The following HSPG2 variants were observed in gnomAD, a reference collection of about 807,000 sequenced individuals.
HSPG2 encodes the protein basement membrane-specific heparan sulfate proteoglycan core protein.
A neutral mutation model predicts 526.6 loss-of-function variants in HSPG2; 278 were observed. That is an observed-to-expected ratio of 0.53 (90% CI 0.48 to 0.58). HSPG2 has a LOEUF of 0.58. Ranked by LOEUF, HSPG2 falls within the 20% of genes least tolerant of loss-of-function variation. The pLI is 0.00. For synonymous variants in HSPG2, 2,465 were observed against 2,555.4 expected (o/e 0.96, Z 1.07); for missense variants, 5,354 against 6,099.5 (o/e 0.88, Z 4.07).
chr1:21,846,675 T>C (rs150263853), intron 62 of HSPG2, 76 bp from the exon 63 acceptor site: 11 of 1,533,916 alleles, frequency 7.2e-6, no homozygotes, highest in East Asian at 6.8e-5. Flanking sequence ...CCCTCTGCCA[T>C]AGAAAATCTC....
Position 21,872,395 on chromosome 1 carries a change from AG to A in HSPG2, c.4030-19del. 6.5e-7 allele frequency: 1 copy of A among 1,549,140 alleles called. No homozygotes were observed. Among genetic ancestry groups the A allele is most frequent in the Non-Finnish European group, 8.7e-7 (1 of 1,144,806 alleles). ...GTGGAGATCTGGCAGGGGAAAAAGG[AG>A]GGGGCGTCAGCCTGAGCACCGGGGT... On this transcript the variant is annotated intron_variant, in intron 32 of 96. Transcript: ENST00000374695. This position sits in a 1 kb window ranked among gnomAD's most constrained non-coding sequence, Gnocchi z 5.5.
intron 1 of HSPG2, among the ~76,000 whole-genome samples, chr1:21,927,338 G>T (rs1291715676): frequency 6.6e-6 from 1 of 152,144 alleles, no homozygotes; most frequent in Non-Finnish European, 1.5e-5. Context: ...AGATCCCCAG[G>T]CCTGTGTGTC....
At chr1:21,873,778 G>C in intron 29 of HSPG2, 147 bp downstream of exon 29, 1 of 683,584 alleles carries the variant, frequency 1.5e-6, no homozygotes, top group East Asian at 2.7e-5. Flanking sequence ...TCCCGAGGAG[G>C]GGAGCTGACT....
At chr1:21,892,223 G>A (rs898939835) in intron 3 of HSPG2, among the ~76,000 whole-genome samples, 1 of 152,268 alleles carries the variant, frequency 6.6e-6, no homozygotes, top group Non-Finnish European at 1.5e-5. Context: ...CCGGGTGGGC[G>A]GGGCTCTGTG....
intron 2 of HSPG2, 39 bp downstream of exon 2, chr1:21,896,136 C>T: frequency 1.2e-6 from 2 of 1,613,468 alleles, no homozygotes; most frequent in Non-Finnish European, 1.7e-6. Flanking sequence ...CAGTCTCACC[C>T]CCCACCCCTC....
In HSPG2 at chr1:21,841,618, G is replaced by A; in HGVS notation, c.9249C>T (p.Pro3083=). 2.5e-6 allele frequency: 4 copies of A among 1,614,190 alleles called. No individual in the cohort carries two copies. The highest frequency in any genetic ancestry group is 3.4e-6 in the Non-Finnish European group (4 of 1,180,014). The part of the protein sequence containing the change: ...GSIITIVGTR[P]SNHGTYRCVA... Reference sequence around the variant, plus strand: ...CGCAGCGGTAGGTACCGTGGTTGCTGGGCCGGGTGCCCACGATGGTGATGA... The same window carrying A: ...CGCAGCGGTAGGTACCGTGGTTGCTAGGCCGGGTGCCCACGATGGTGATGA... The change falls in exon 70 of 97, where the codon CCC becomes CCT. Residue 3083 remains proline, a synonymous_variant. Coordinates refer to ENST00000374695, the MANE Select transcript of HSPG2 (RefSeq NM_005529.7).
intron 95 of HSPG2, 141 bp downstream of exon 95, chr1:21,823,980 G>A: frequency 1.1e-6 from 1 of 905,972 alleles, no homozygotes; most frequent in Admixed American, 2.0e-5. Context: ...CCCGAGCCCT[G>A]GCTGGTGGGT....
chr1:21,867,550 GAGGATTAAGTAATAT>G (rs962077069), intron 33 of HSPG2, among the ~76,000 whole-genome samples: 4 of 152,148 alleles, frequency 2.6e-5, no homozygotes, highest in African/African-American at 9.7e-5. Flanking sequence ...AGGGTATCAT[GAGGATTAAGTAATAT>G]AGGACACAAA....
rs1424649701 is a variant in HSPG2 at position 21,847,712 on chromosome 1, C to T, written c.8002G>A (p.Gly2668Ser). 10 of 1,610,534 alleles carry T rather than the reference C, an allele frequency of 6.2e-6. No individual in the cohort carries two copies. The highest frequency in any genetic ancestry group is 8.5e-6 in the Non-Finnish European group (10 of 1,178,614). ...QAIITWYKRG[G>S]SLPSRHQTHG... ...ACCTGGTGTCGGGAGGGAAGGCTGCCCCCACGCTTGTACCATGTGATGATA... is the reference window on the plus strand; with the variant it reads ...ACCTGGTGTCGGGAGGGAAGGCTGCTCCCACGCTTGTACCATGTGATGATA... The change falls in exon 61 of 97, where the codon GGC (glycine) becomes AGC (serine). Residue 2668 changes from glycine (G) to serine (S), a missense_variant. Transcript: ENST00000374695. The surrounding 1 kb of genome is among the most constrained non-coding windows in gnomAD (Gnocchi z 4.1).
At chr1:21,881,144 G>A (rs1049697481) in intron 14 of HSPG2, among the ~76,000 whole-genome samples, 195 bp downstream of exon 14, 12 of 152,190 alleles carry the variant, frequency 7.9e-5, no homozygotes, top group Non-Finnish European at 1.5e-5. Context: ...AGGAGGGGAG[G>A]CCAGCTCTTC....
chr1:21,833,029 G>A, intron 80 of HSPG2: 1 of 594,462 alleles, frequency 1.7e-6, no homozygotes, highest in Admixed American at 2.6e-5. Context: ...TGATGCCCCG[G>A]TGGCAGAGGA....
chr1:21,856,787 C>T (rs964888183), intron 44 of HSPG2, among the ~76,000 whole-genome samples: 40 of 152,310 alleles, frequency 2.6e-4, no homozygotes, highest in Admixed American at 2.5e-3. Flanking sequence ...AGTTATCTTG[C>T]TTGTTCATTT....
Position 21,875,885 on chromosome 1 carries a change from G to A in HSPG2, c.3161C>T (p.Thr1054Ile). ...CACCTCCCGGAAAGGCACAATGAAGGTGCTGGGCTGGCCGGGGCTGGGCTC... is the reference window on the plus strand; with the variant it reads ...CACCTCCCGGAAAGGCACAATGAAGATGCTGGGCTGGCCGGGGCTGGGCTC... The part of the protein sequence containing the change: ...AQEPSPGQPS[T>I]FIVPFREQAW... Residue 1054 changes from threonine (T) to isoleucine (I), a missense_variant, in exon 24 of 97, where the codon ACC becomes ATC. Transcript: ENST00000374695. The A allele has an allele frequency of 6.2e-7, 1 of 1,614,096 alleles. No individual in the cohort carries two copies.
rs1246532728 is a variant in HSPG2, at chr1:21,861,993, C to T, written c.4863G>A (p.Glu1621=). The change falls in exon 38 of 97, where the codon GAG becomes GAA. Residue 1621 remains glutamate, a synonymous_variant. Transcript: ENST00000374695. The part of the protein sequence containing the change: ...QPCACPLTNP[E]NMFSRTCESL... ...CCTTGAGCTAGGGTACCCACATGTT[C>T]TCTGGGTTGGTCAGTGGGCAGGCAC... is the stretch of plus-strand genomic sequence containing the variant. The T allele has an allele frequency of 1.9e-6, 3 of 1,614,120 alleles. No individual in the cohort carries two copies. Among genetic ancestry groups the T allele is most frequent in the Admixed American group, 3.3e-5 (2 of 60,014 alleles).
At chr1:21,924,492 TG>T (rs911534297) in intron 1 of HSPG2, among the ~76,000 whole-genome samples, 3 of 152,244 alleles carry the variant, frequency 2.0e-5, no homozygotes, top group African/African-American at 7.2e-5. Context: ...CACCAACTTT[TG>T]GGGGGTAGTG....
chr1:21,842,812 G>A lies in HSPG2; in HGVS notation c.8868C>T (p.Val2956=). 1 of 1,613,896 alleles carries A rather than the reference G, an allele frequency of 6.2e-7. No homozygotes were observed. ...GGCTGCCCCCGCGCTTGTACCACGTGACCTGGGCATGGGCCTGCCCGGGCA... is the reference window on the plus strand; with the variant it reads ...GGCTGCCCCCGCGCTTGTACCACGTAACCTGGGCATGGGCCTGCCCGGGCA... ...CVVPGQAHAQ[V]TWYKRGGSLP... The change falls in exon 67 of 97, where the codon GTC becomes GTT. Residue 2956 remains valine, a synonymous_variant. Coordinates refer to ENST00000374695, the MANE Select transcript of HSPG2 (RefSeq NM_005529.7).
intron 37 of HSPG2, among the ~76,000 whole-genome samples, chr1:21,862,456 C>T (rs191240917): frequency 3.6e-4 from 55 of 151,860 alleles, no homozygotes; most frequent in Non-Finnish European, 6.2e-4. Flanking sequence ...TGGTGGTGTG[C>T]GTCTGTAGTC....
intron 1 of HSPG2, among the ~76,000 whole-genome samples, chr1:21,909,171 T>C (rs1643534396): frequency 6.6e-6 from 1 of 152,190 alleles, no homozygotes; most frequent in Non-Finnish European, 1.5e-5. Flanking sequence ...AGAGACCCGC[T>C]GAGCAAAGGG....
intron 74 of HSPG2, among the ~76,000 whole-genome samples, chr1:21,837,753 C>T (rs945455104): frequency 6.6e-5 from 10 of 152,158 alleles, no homozygotes; most frequent in Non-Finnish European, 1.3e-4. Context: ...CTACTGCGAG[C>T]CACAGTTTTA....
Sources: gnomAD v4.1 joint callset for allele counts (sites outside exome capture counted in the v4.1 genomes callset) on GRCh38, gnomAD v4.1.1 for gene constraint, Gnocchi (gnomAD v3.1) non-coding constraint, MANE v1.5 for transcripts, NCBI Gene and HGNC (gene_info 2026-07-23, HGNC 2026-07-21) for gene names.